TGM7: variants seen among roughly 807,000 people sequenced by gnomAD.
TGM7 encodes the protein transglutaminase 7.
In TGM7, 74 loss-of-function variants were observed where a neutral mutation model predicts 79.5. The observed-to-expected ratio is 0.93, with a 90% CI of 0.77 to 1.13. TGM7 has a LOEUF of 1.13. Ranked by LOEUF, TGM7 falls within the 50% of genes most tolerant of loss-of-function variation. The pLI, the probability that TGM7 is intolerant of heterozygous loss-of-function variation, is 0.00. For missense variants in TGM7, 912 were observed against 905.9 expected (o/e 1.01, Z -0.09); for synonymous variants, 354 against 362.5 (o/e 0.98, Z 0.27).
At chr15:43,296,664 C>G (rs1258382634) in intron 1 of TGM7, among the ~76,000 whole-genome samples, 1 of 152,066 alleles carries the variant, frequency 6.6e-6, no homozygotes, top group Non-Finnish European at 1.5e-5. Context: ...CTGTTTGTAG[C>G]TCAAAGCATA....
intron 4 of TGM7, among the ~76,000 whole-genome samples, chr15:43,290,115 G>T (rs1095387): frequency 0.46 from 70,502 of 151,878 alleles, 20,129 homozygotes; most frequent in African/African-American, 0.81. Context: ...TTTCTTTTGG[G>T]GTTTTAGACA....
intron 4 of TGM7, among the ~76,000 whole-genome samples, chr15:43,289,328 C>G (rs1387258098): frequency 6.6e-6 from 1 of 151,960 alleles, no homozygotes; most frequent in East Asian, 1.9e-4. Flanking sequence ...TTTTTTTGTC[C>G]TTGTGATAGT....
At chr15:43,300,669 CG>C (rs2043021157) in intron 1 of TGM7, among the ~76,000 whole-genome samples, 1 of 152,120 alleles carries the variant, frequency 6.6e-6, no homozygotes, top group African/African-American at 2.4e-5. Context: ...GGCGTGGTAG[CG>C]GGCGCCTGTA....
rs566356304 is a variant in TGM7, at chr15:43,289,110, G to A, written c.559-1441C>T. 2.2e-4 allele frequency among the ~76,000 whole-genome samples: 33 copies of A among 151,584 alleles called. No individual in the cohort carries two copies. The East Asian group carries it at 4.1e-3, about 19-fold the overall frequency. ...AAGTTTTGGGGTACACGTGCACAAC[G>A]TGCAGGTTAGTTACATATGTATACA... is the stretch of plus-strand genomic sequence containing the variant. On this transcript the variant is annotated intron_variant, in intron 4 of 12. Coordinates refer to ENST00000452443, the MANE Select transcript of TGM7 (RefSeq NM_052955.3).
chr15:43,288,213 G>A (rs1012922043), intron 4 of TGM7, among the ~76,000 whole-genome samples: 29 of 152,196 alleles, frequency 1.9e-4, no homozygotes, highest in African/African-American at 7.0e-4. Context: ...TAATAGACGT[G>A]CACAATGTTT....
chr15:43,276,983 C>G lies in TGM7; in HGVS notation c.1852G>C (p.Ala618Pro), dbSNP rs1292923165. 6.2e-7 allele frequency: 1 copy of G among 1,614,034 alleles called. No homozygotes were observed. Among genetic ancestry groups the G allele is most frequent in the South Asian group, 1.1e-5 (1 of 91,072 alleles). ...PHLSIEVSER[A>P]EVGKALRVHV... ...ACTCTCAGCGCCTTGCCCACCTCAGCCCTCTCAGACACCTGTGTGGAGAGA... is the reference window on the plus strand; with the variant it reads ...ACTCTCAGCGCCTTGCCCACCTCAGGCCTCTCAGACACCTGTGTGGAGAGA... The change falls in exon 12 of 13, where the codon GCT (alanine) becomes CCT (proline). Residue 618 changes from alanine to proline, a missense_variant. Ala to Pro is a conservative substitution (Grantham distance 27). Coordinates refer to ENST00000452443, the MANE Select transcript of TGM7 (RefSeq NM_052955.3).
rs773184287 is a variant in TGM7 at position 43,284,924 on chromosome 15, A to G, written c.894T>C (p.Arg298=). The change falls in exon 7 of 13, where the codon CGT becomes CGC. Residue 298 remains arginine (R), a synonymous_variant. Coordinates refer to ENST00000452443, the MANE Select transcript of TGM7 (RefSeq NM_052955.3). ...TVMRCLGVPT[R]VVSNFRSAHN... ...GCGCGGAACGGAAATTGGAAACAAC[A>G]CGGGTTGGAACACCTAAGCATCTCA... 1 of 1,614,244 alleles carries G rather than the reference A, an allele frequency of 6.2e-7. No homozygotes were observed. The highest frequency in any genetic ancestry group is 8.5e-7 in the Non-Finnish European group (1 of 1,180,044).
intron 1 of TGM7, 99 bp from the exon 2 acceptor site, chr15:43,293,730 G>A: frequency 1.9e-6 from 1 of 516,648 alleles, no homozygotes; most frequent in Non-Finnish European, 2.5e-6. Context: ...GCGGCGGGTG[G>A]TGGGGCGTGC....
intron 7 of TGM7, among the ~76,000 whole-genome samples, chr15:43,283,545 G>A (rs1285866225): frequency 6.6e-6 from 1 of 152,024 alleles, no homozygotes; most frequent in Middle Eastern, 3.2e-3. Context: ...ACCTAGTGGT[G>A]AAGTCTGGGC....
rs1341140659 is a variant in TGM7 at position 43,284,799 on chromosome 15, G to T, written c.1004+15C>A. 12 of 1,614,134 alleles carry T rather than the reference G, an allele frequency of 7.4e-6. No individual in the cohort carries two copies. The highest frequency in any genetic ancestry group is 1.0e-5 in the Non-Finnish European group (12 of 1,180,004). On this transcript the variant is annotated intron_variant, in intron 7 of 12. Coordinates refer to ENST00000452443, the MANE Select transcript of TGM7 (RefSeq NM_052955.3). ...TGGGACAAAGCAGAGATCTGTTCAAGACAGTGCCTCTCACCATATTTTGTC... is the reference window on the plus strand; with the variant it reads ...TGGGACAAAGCAGAGATCTGTTCAATACAGTGCCTCTCACCATATTTTGTC...
At position 43,291,242 on chromosome 15, in the gene TGM7, A is replaced by G. The variant is rs142684449; in HGVS notation, c.558+737T>C. The stretch of plus-strand genomic sequence containing the variant: ...TATTATTTTGAGATATGTCCCATCA[A>G]TACCTAATTTATTGAGAGTTTTTAG... On this transcript the variant is annotated intron_variant, in intron 4 of 12. Transcript: ENST00000452443. Among the ~76,000 whole-genome samples, 409 of 152,342 alleles carry G rather than the reference A, an allele frequency of 2.7e-3. 9 individuals are homozygous for G. In the East Asian group the frequency reaches 0.056, roughly 21 times the overall value.
intron 12 of TGM7, 97 bp downstream of exon 12, chr15:43,276,765 G>A: frequency 1.3e-6 from 2 of 1,548,732 alleles, no homozygotes; most frequent in Non-Finnish European, 1.7e-6. Context: ...TGGGGGCAGA[G>A]AGGCACTGCA....
intron 4 of TGM7, among the ~76,000 whole-genome samples, chr15:43,290,967 A>G (rs1301422302): frequency 6.6e-6 from 1 of 152,202 alleles, no homozygotes. Context: ...TTTTGGGCTG[A>G]GACGTTGGGG....
rs112660549 is a variant in TGM7, at chr15:43,284,958, G to C, written c.866-6C>G. The C allele has an allele frequency of 1.4e-4, 231 of 1,613,966 alleles. 2 individuals carry two copies. In the African/African-American group the frequency reaches 2.6e-3, roughly 18 times the overall value. On this transcript the variant is annotated splice_polypyrimidine_tract_variant and splice_region_variant and intron_variant, in intron 6 of 12. Coordinates refer to ENST00000452443, the MANE Select transcript of TGM7 (RefSeq NM_052955.3). Reference sequence around the variant, plus strand: ...AACACCTAAGCATCTCATTACTAAAGAGAAAAATATAGAGAATCGCTGAGT... The same window carrying C: ...AACACCTAAGCATCTCATTACTAAACAGAAAAATATAGAGAATCGCTGAGT...
At chr15:43,291,178 C>T (rs2042961853) in intron 4 of TGM7, among the ~76,000 whole-genome samples, 1 of 152,168 alleles carries the variant, frequency 6.6e-6, no homozygotes, top group African/African-American at 2.4e-5. Context: ...TTTGCCCATT[C>T]AGTATGATAT....
chr15:43,277,164 C>T (rs1204291358), intron 11 of TGM7, among the ~76,000 whole-genome samples, 169 bp from the exon 12 acceptor site: 3 of 152,104 alleles, frequency 2.0e-5, no homozygotes, highest in Non-Finnish European at 4.4e-5. Context: ...GAGATTAACA[C>T]ATATACAGGC....
intron 1 of TGM7, among the ~76,000 whole-genome samples, chr15:43,300,693 C>T (rs1023815233): frequency 3.9e-5 from 6 of 151,916 alleles, no homozygotes; most frequent in East Asian, 3.9e-4. Context: ...CCCAGCTACT[C>T]GGGAGGCTGA....
At position 43,284,826 on chromosome 15, in the gene TGM7, C is replaced by A; in HGVS notation, c.992G>T (p.Arg331Leu). 1 of 1,614,174 alleles carries A rather than the reference C, an allele frequency of 6.2e-7. No homozygotes were observed. Among genetic ancestry groups the A allele is most frequent in the Non-Finnish European group, 8.5e-7 (1 of 1,180,038 alleles). ...CAGTGCCTCTCACCATATTTTGTCT[C>A]GTTTCTGAGTTGACAGCATCTCGGC... ...RNAEMLSTQK[R>L]DKIWNFHVWN... The change falls in exon 7 of 13, where the codon CGA becomes CTA. Residue 331 changes from arginine to leucine, a missense_variant. By Grantham distance (102) the Arg-to-Leu change is moderately radical. Coordinates refer to ENST00000452443, the MANE Select transcript of TGM7 (RefSeq NM_052955.3).
At position 43,284,735 on chromosome 15, in the gene TGM7, A is replaced by G. The variant is rs2142407455; in HGVS notation, c.1004+79T>C. ...CAGGGCAATCTTGCAATATTTCCTC[A>G]AGAGCCAGAGAGAACCAGGTCAGTT... On this transcript the variant is annotated intron_variant, in intron 7 of 12. Transcript: ENST00000452443. The G allele has an allele frequency of 1.2e-5, 19 of 1,537,860 alleles. 1 individual carries two copies. In the South Asian group the frequency reaches 2.0e-4, roughly 17 times the overall value.
Sources: gnomAD v4.1 joint callset for allele counts (sites outside exome capture counted in the v4.1 genomes callset) on GRCh38, gnomAD v4.1.1 for gene constraint, MANE v1.5 for transcripts, NCBI Gene and HGNC (gene_info 2026-07-23, HGNC 2026-07-21) for gene names.